MGAT4C: variants seen among roughly 807,000 people sequenced by gnomAD.
The protein encoded by MGAT4C is MGAT4 family member C, also known as alpha-1,3-mannosyl-glycoprotein 4-beta-N-acetylglucosaminyltransferase C.
In MGAT4C, 19 loss-of-function variants were observed where a neutral mutation model predicts 40.1. The observed-to-expected ratio is 0.47, with a 90% CI of 0.33 to 0.70. The LOEUF is 0.70. Among genes scored for constraint, MGAT4C ranks in the 30% least tolerant of loss-of-function variants. The probability of loss-of-function intolerance (pLI) is 0.02; values close to 1 mark genes in which losing one functional copy is unlikely to be tolerated. For missense variants in MGAT4C, 491 were observed against 563.2 expected (o/e 0.87, Z 1.30); for synonymous variants, 181 against 187.1 (o/e 0.97, Z 0.27).
chr12:86,348,439 T>C (rs1955087265), intron 3 of MGAT4C, among the ~76,000 whole-genome samples: 1 of 152,168 alleles, frequency 6.6e-6, no homozygotes, highest in African/African-American at 2.4e-5. Flanking sequence ...TTCAGAATGT[T>C]TCATCATTTC....
At position 86,160,003 on chromosome 12, in the gene MGAT4C, T is replaced by G. The variant is rs901937762; in HGVS notation, c.-57+96236A>C. 2.0e-5 allele frequency among the ~76,000 whole-genome samples: 3 copies of G among 152,254 alleles called. No homozygotes were observed. In the East Asian group the frequency reaches 5.8e-4, roughly 29 times the overall value. Reference sequence around the variant, plus strand: ...TTTGAAAAACCAATTCTTGGTTACGTTGATCTTTTTATAGATTTTTACGTC... The same window carrying G: ...TTTGAAAAACCAATTCTTGGTTACGGTGATCTTTTTATAGATTTTTACGTC... On this transcript the variant is annotated intron_variant, in intron 1 of 4. Transcript: ENST00000611864.
chr12:86,735,885 G>A (rs1451615003), intron 1 of MGAT4C, among the ~76,000 whole-genome samples: 11 of 151,672 alleles, frequency 7.3e-5, no homozygotes, highest in Admixed American at 7.2e-4. Flanking sequence ...ACTTAAACCT[G>A]GCTATTTTCC....
At chr12:86,146,034 C>T (rs962264387) in intron 1 of MGAT4C, among the ~76,000 whole-genome samples, 1 of 152,090 alleles carries the variant, frequency 6.6e-6, no homozygotes, top group Non-Finnish European at 1.5e-5. Flanking sequence ...AAATATGTTG[C>T]AGACATTCCT....
intron 2 of MGAT4C, among the ~76,000 whole-genome samples, chr12:86,469,981 C>G (rs1045207308): frequency 6.6e-6 from 1 of 151,894 alleles, no homozygotes. Flanking sequence ...TATGGTCATC[C>G]ATGTTGTTGC....
chr12:86,336,065 C>T (rs1012846918), intron 3 of MGAT4C, among the ~76,000 whole-genome samples: 1 of 152,148 alleles, frequency 6.6e-6, no homozygotes, highest in Admixed American at 6.6e-5. Context: ...AATGCCTGTA[C>T]TTTGCCACCT....
At chr12:86,705,420 G>A (rs922635369) in intron 2 of MGAT4C, among the ~76,000 whole-genome samples, 1 of 151,886 alleles carries the variant, frequency 6.6e-6, no homozygotes, top group Non-Finnish European at 1.5e-5. Context: ...AAACCTGAAG[G>A]GAAAGTGAAA....
chr12:86,275,890 G>GGAGAT (rs1436350267), intron 4 of MGAT4C, among the ~76,000 whole-genome samples: 2 of 140,884 alleles, frequency 1.4e-5, no homozygotes, highest in African/African-American at 5.4e-5. Context: ...CACGACGTCA[G>GGAGAT]GAGATCGAGA....
intron 1 of MGAT4C, among the ~76,000 whole-genome samples, chr12:86,800,055 A>G (rs1381134502): frequency 6.6e-6 from 1 of 151,912 alleles, no homozygotes; most frequent in Non-Finnish European, 1.5e-5. Flanking sequence ...GCAGCCATTG[A>G]CTTTTCCATC....
Position 85,979,633 on chromosome 12 carries a change from C to T in MGAT4C, c.1093G>A (p.Asp365Asn). ...YEASKAYSSV[D>N]EYFWGKPPST... Reference sequence around the variant, plus strand: ...GGTGGTTTCCCCCAAAAGTACTCATCAACACTACTGTAAGCCTTGCTTGCT... The same window carrying T: ...GGTGGTTTCCCCCAAAAGTACTCATTAACACTACTGTAAGCCTTGCTTGCT... The change falls in exon 5 of 5, where the codon GAT becomes AAT. Residue 365 changes from aspartate (D) to asparagine (N), a missense_variant. Coordinates refer to ENST00000611864, the MANE Select transcript of MGAT4C (RefSeq NM_001351288.2). 1 of 1,612,042 alleles carries T rather than the reference C, an allele frequency of 6.2e-7. No homozygotes were observed. The highest frequency in any genetic ancestry group is 8.5e-7 in the Non-Finnish European group (1 of 1,179,618).
chr12:86,675,427 G>A (rs190463052), intron 2 of MGAT4C, among the ~76,000 whole-genome samples: 4 of 152,188 alleles, frequency 2.6e-5, no homozygotes, highest in South Asian at 2.1e-4. Context: ...TGATCATCCC[G>A]TTTGCCTCTA....
intron 3 of MGAT4C, among the ~76,000 whole-genome samples, chr12:86,392,346 C>T (rs1462319404): frequency 6.6e-6 from 1 of 152,078 alleles, no homozygotes; most frequent in African/African-American, 2.4e-5. Context: ...GTGGCATGCA[C>T]CTGTAATCCT....
At chr12:86,228,731 T>G (rs1391615179) in intron 1 of MGAT4C, among the ~76,000 whole-genome samples, 1 of 151,860 alleles carries the variant, frequency 6.6e-6, no homozygotes, top group Non-Finnish European at 1.5e-5. Context: ...AATTTAAAAC[T>G]AAAAGAAAAA....
chr12:86,139,152 T>C (rs954882945), intron 1 of MGAT4C, among the ~76,000 whole-genome samples: 1 of 152,200 alleles, frequency 6.6e-6, no homozygotes, highest in African/African-American at 2.4e-5. Flanking sequence ...CCTTCTATGA[T>C]GTGTTTTACA....
chr12:86,312,997 T>G (rs1954117938), intron 4 of MGAT4C, among the ~76,000 whole-genome samples: 1 of 152,196 alleles, frequency 6.6e-6, no homozygotes, highest in African/African-American at 2.4e-5. Flanking sequence ...TTTTGATATG[T>G]GAAATTTTAG....
In MGAT4C at chr12:86,487,106, G is replaced by A. The variant is rs148055777; in HGVS notation, c.-228-51841C>T. The stretch of plus-strand genomic sequence containing the variant: ...AGAATAATTATGCTATCATGGTCAC[G>A]TCTTTCTCTCTCTGTAAAACAAGCA... On this transcript the variant is annotated intron_variant, in intron 2 of 7. Transcript: ENST00000548651. Among the ~76,000 whole-genome samples, 553 of 152,224 alleles carry A rather than the reference G, an allele frequency of 3.6e-3. 5 individuals are homozygous for A. Among genetic ancestry groups the A allele is most frequent in the African/African-American group, 0.011 (458 of 41,544 alleles).
intron 3 of MGAT4C, among the ~76,000 whole-genome samples, chr12:86,360,724 C>T (rs912471436): frequency 6.6e-6 from 1 of 152,144 alleles, no homozygotes; most frequent in Non-Finnish European, 1.5e-5. Context: ...CATGAGTAAA[C>T]TCTCATTCAC....
intron 2 of MGAT4C, among the ~76,000 whole-genome samples, chr12:86,690,891 C>T (rs953495791): frequency 1.5e-4 from 23 of 152,152 alleles, no homozygotes; most frequent in Non-Finnish European, 3.2e-4. Flanking sequence ...AGACTAATGA[C>T]TCTGAAATTC....
chr12:86,470,385 A>T (rs1957741751), intron 2 of MGAT4C, among the ~76,000 whole-genome samples: 2 of 152,096 alleles, frequency 1.3e-5, no homozygotes. Flanking sequence ...CTTGGGTGAC[A>T]AGAAGAACTG....
intron 3 of MGAT4C, among the ~76,000 whole-genome samples, chr12:86,341,333 C>G (rs901839265): frequency 2.0e-5 from 3 of 152,210 alleles, no homozygotes; most frequent in African/African-American, 7.2e-5. Flanking sequence ...AATCTTCAGT[C>G]TGTCAGACAG....
Sources: gnomAD v4.1 joint callset for allele counts (sites outside exome capture counted in the v4.1 genomes callset) on GRCh38, gnomAD v4.1.1 for gene constraint, MANE v1.5 for transcripts, NCBI Gene and HGNC (gene_info 2026-07-23, HGNC 2026-07-21) for gene names.